HYDIN: variants seen among roughly 807,000 people sequenced by gnomAD.
HYDIN encodes the protein axonemal central pair apparatus protein HYDIN.
Under a neutral mutation model 403.9 loss-of-function variants are expected in HYDIN, and 132 were observed. That is an observed-to-expected ratio of 0.33 (90% confidence interval 0.28 to 0.38). The LOEUF (loss-of-function observed/expected upper bound fraction) is 0.38. HYDIN is among the 10% of genes least tolerant of loss of function. HYDIN has a pLI of 1.00. For missense variants in HYDIN, 2,827 were observed against 5,009.5 expected (o/e 0.56, Z 13.15); for synonymous variants, 1,202 against 1,891.7 (o/e 0.64, Z 9.46).
intron 18 of HYDIN, among the ~76,000 whole-genome samples, chr16:71,041,613 A>T (rs1167047090): frequency 6.6e-6 from 1 of 152,208 alleles, no homozygotes; most frequent in Non-Finnish European, 1.5e-5. Flanking sequence ...AACTGGTAAC[A>T]AAATAGTATT....
Position 71,034,184 on chromosome 16 carries a change from G to A in HYDIN, c.2530-2267C>T, listed in dbSNP as rs1358057569. ...CAAATGCAAATTTTACTATTTGAGC[G>A]GGGCTGTAGAGGACATTCCAGTCTA... is the stretch of plus-strand genomic sequence containing the variant. On this transcript the variant is annotated intron_variant, in intron 18 of 85. Coordinates refer to ENST00000393567, the MANE Select transcript of HYDIN (RefSeq NM_001270974.2). Among the ~76,000 whole-genome samples the A allele has an allele frequency of 3.9e-5, 6 of 152,284 alleles. 1 individual carries two copies. Among genetic ancestry groups the A allele is most frequent in the Middle Eastern group, 6.8e-3 (2 of 294 alleles).
At chr16:71,024,593 C>T (rs1265280449) in intron 21 of HYDIN, among the ~76,000 whole-genome samples, 1 of 141,002 alleles carries the variant, frequency 7.1e-6, no homozygotes, top group Non-Finnish European at 1.5e-5. Context: ...CCAGTACCAG[C>T]TCAATCCCCA....
At chr16:71,192,029 T>G (rs1037828102) in intron 1 of HYDIN, among the ~76,000 whole-genome samples, 2 of 152,182 alleles carry the variant, frequency 1.3e-5, no homozygotes, top group Admixed American at 6.5e-5. Context: ...CAACCCTAGA[T>G]GAAGGTATTA....
rs756645475 is a variant in HYDIN, at chr16:71,069,395, A to G, written c.1846T>C (p.Cys616Arg). ...CTTTTGTAGTCCACATGCTGCTCACAATATGAAATGCTTTTATGGCCAAGG... is the reference window on the plus strand; with the variant it reads ...CTTTTGTAGTCCACATGCTGCTCACGATATGAAATGCTTTTATGGCCAAGG... The part of the protein sequence containing the change: ...DGLGHKSISY[C>R]EQHVDYKRPS... Residue 616 changes from cysteine to arginine, a missense_variant, in exon 14 of 86, where the codon TGT becomes CGT. By Grantham distance (180) the Cys-to-Arg change is radical. Coordinates refer to ENST00000393567, the MANE Select transcript of HYDIN (RefSeq NM_001270974.2). 2.7e-5 allele frequency: 43 copies of G among 1,614,102 alleles called. No individual in the cohort carries two copies. Among genetic ancestry groups the G allele is most frequent in the Non-Finnish European group, 3.5e-5 (41 of 1,180,036 alleles).
Position 70,909,004 on chromosome 16 carries a change from G to T in HYDIN, c.8005-143C>A, listed in dbSNP as rs575359024. On this transcript the variant is annotated intron_variant, in intron 47 of 85. Coordinates refer to ENST00000393567, the MANE Select transcript of HYDIN (RefSeq NM_001270974.2). ...AGAGCAGGGCAGGGTCTAGTCTTGG[G>T]TAGTGACAAGACCAGTGCATTCCTT... 33 of 733,070 alleles carry T rather than the reference G, an allele frequency of 4.5e-5. No individual in the cohort carries two copies. The East Asian group carries it at 5.4e-4, about 12-fold the overall frequency. 45.4% of individuals were successfully genotyped at this position (733,070 alleles called of 1,614,324 possible). A position where few individuals can be genotyped will look rare whatever the true frequency, so the allele number is the denominator to read the frequency against.
At chr16:70,948,297 A>G (rs1455756762) in intron 41 of HYDIN, among the ~76,000 whole-genome samples, 2 of 152,028 alleles carry the variant, frequency 1.3e-5, no homozygotes, top group African/African-American at 4.8e-5. Flanking sequence ...ACCTTATACA[A>G]AAATCAATTC....
chr16:70,951,411 A>C (rs2078071167), intron 41 of HYDIN, among the ~76,000 whole-genome samples: 1 of 152,172 alleles, frequency 6.6e-6, no homozygotes, highest in Non-Finnish European at 1.5e-5. Flanking sequence ...TACTGGAAGC[A>C]GTGCTCTGCC....
intron 12 of HYDIN, among the ~76,000 whole-genome samples, chr16:71,087,487 C>T (rs1389381549): frequency 1.5e-5 from 2 of 137,678 alleles, no homozygotes. Context: ...TTTAAAGGCC[C>T]TATGTCCAAG....
At chr16:70,942,598 T>C (rs1397369427) in intron 42 of HYDIN, among the ~76,000 whole-genome samples, 1 of 152,288 alleles carries the variant, frequency 6.6e-6, no homozygotes, top group East Asian at 1.9e-4. Context: ...TTACTCAAAG[T>C]GTAGCCCATA....
At chr16:71,047,673 T>C (rs2081496137) in intron 18 of HYDIN, among the ~76,000 whole-genome samples, 1 of 150,690 alleles carries the variant, frequency 6.6e-6, no homozygotes, top group Non-Finnish European at 1.5e-5. Flanking sequence ...CTTATTCCCT[T>C]ATTCCTGTCA....
intron 1 of HYDIN, among the ~76,000 whole-genome samples, chr16:71,216,367 C>T (rs142455758): frequency 6.6e-6 from 1 of 152,248 alleles, no homozygotes; most frequent in African/African-American, 2.4e-5. Context: ...TGAATACATA[C>T]AGTGTGATTC....
At chr16:70,892,729 G>A (rs199969351) in intron 55 of HYDIN, among the ~76,000 whole-genome samples, 200 bp from the exon 56 acceptor site, 4 of 151,956 alleles carry the variant, frequency 2.6e-5, no homozygotes, top group Non-Finnish European at 5.9e-5. Context: ...TGATGCTTAC[G>A]GCAAAGACAG....
At chr16:70,908,010 A>G (rs1322194171) in intron 49 of HYDIN, among the ~76,000 whole-genome samples, 1 of 152,174 alleles carries the variant, frequency 6.6e-6, no homozygotes, top group East Asian at 1.9e-4. Flanking sequence ...CCAAAGGAAG[A>G]CTTTTTTCCT....
In HYDIN at chr16:71,087,447, C is replaced by G. The variant is rs1252177862; in HGVS notation, c.1670+854G>C. Among the ~76,000 whole-genome samples, 8 of 139,298 alleles carry G rather than the reference C, an allele frequency of 5.7e-5. No homozygotes were observed. In the Admixed American group the frequency reaches 5.9e-4, roughly 10 times the overall value. The allele number at this position is 139,298 out of a possible 152,430, so 91.4% of individuals were successfully genotyped here. A position where few individuals can be genotyped will look rare whatever the true frequency, so the allele number is the denominator to read the frequency against. On this transcript the variant is annotated intron_variant, in intron 12 of 85. Transcript: ENST00000393567. ...CAATCATATTGGATTAAAGCCCACCCATCTGACCTCATTTTGCCTTAATTA... is the reference window on the plus strand; with the variant it reads ...CAATCATATTGGATTAAAGCCCACCGATCTGACCTCATTTTGCCTTAATTA...
intron 1 of HYDIN, among the ~76,000 whole-genome samples, chr16:71,195,213 C>T (rs1484159202): frequency 6.7e-6 from 1 of 149,020 alleles, no homozygotes; most frequent in African/African-American, 2.5e-5. Flanking sequence ...GTGCCTGGCA[C>T]GTAATTGTTA....
intron 29 of HYDIN, among the ~76,000 whole-genome samples, chr16:70,980,534 T>C (rs8053108): frequency 6.8e-6 from 1 of 147,104 alleles, no homozygotes; most frequent in East Asian, 2.0e-4. Flanking sequence ...CCTATATATA[T>C]ATATAAATAT....
Position 70,808,063 on chromosome 16 carries a change from C to T in HYDIN, c.14884-1G>A, listed in dbSNP as rs1167263914. ...CTGCGTGGAAGTCTGTACAGTCGGT[C>T]TGAAAGGGGAACAAACAAACTCAGC... is the stretch of plus-strand genomic sequence containing the variant. On this transcript the variant is annotated splice_acceptor_variant, in intron 85 of 85. Transcript: ENST00000393567. LOFTEE classifies it high-confidence loss of function. The T allele has an allele frequency of 6.3e-7, 1 of 1,597,718 alleles. No homozygotes were observed. The highest frequency in any genetic ancestry group is 1.3e-5 in the African/African-American group (1 of 74,450).
At chr16:71,022,491 A>G (rs988513418) in intron 21 of HYDIN, among the ~76,000 whole-genome samples, 2 of 152,182 alleles carry the variant, frequency 1.3e-5, no homozygotes, top group African/African-American at 4.8e-5. Context: ...AATTCTTCCT[A>G]TAGACAGGGT....
chr16:71,134,256 T>C (rs1338183397), intron 8 of HYDIN, among the ~76,000 whole-genome samples: 1 of 151,660 alleles, frequency 6.6e-6, no homozygotes, highest in Non-Finnish European at 1.5e-5. Flanking sequence ...CCCCTGGAGA[T>C]GAATGCCACA....
Sources: gnomAD v4.1 joint callset for allele counts (sites outside exome capture counted in the v4.1 genomes callset) on GRCh38, gnomAD v4.1.1 for gene constraint, MANE v1.5 for transcripts, NCBI Gene and HGNC (gene_info 2026-07-23, HGNC 2026-07-21) for gene names.